SPRED2: variants seen among roughly 807,000 people sequenced by gnomAD.
SPRED2 encodes sprouty related EVH1 domain containing 2.
In SPRED2, 47 loss-of-function variants were observed where a neutral mutation model predicts 43.0. The observed-to-expected ratio is 1.09, with a 90% CI of 0.87 to 1.40. SPRED2 has a LOEUF of 1.40. SPRED2 is among the 40% of genes most tolerant of loss of function. The pLI is 0.00. For synonymous variants in SPRED2, 225 were observed against 225.7 expected, an observed-to-expected ratio of 1.00 and a Z score of 0.03; for missense variants, 561 against 586.4, an observed-to-expected ratio of 0.96 and a Z score of 0.45.
Position 65,332,041 on chromosome 2 carries a change from C to T in SPRED2, c.384G>A (p.Thr128=), listed in dbSNP as rs111994933. The T allele has an allele frequency of 8.1e-6, 13 of 1,606,104 alleles. No homozygotes were observed. The East Asian group carries it at 1.8e-4, about 22-fold the overall frequency. Residue 128 remains threonine (T), a synonymous_variant, in exon 4 of 6, where the codon ACG becomes ACA. Transcript: ENST00000356388. The stretch of plus-strand genomic sequence containing the variant: ...CTTCATTATGGATGGTGGAAGATGA[C>T]GTTGTTGAACCTAAAAAGACAAAAA... ...AIEDLIEGST[T]SSSTIHNEAE... is the part of the protein sequence containing the mutation.
At chr2:65,407,556 A>G (rs986676783) in intron 1 of SPRED2, among the ~76,000 whole-genome samples, 9 of 152,152 alleles carry the variant, frequency 5.9e-5, no homozygotes, top group African/African-American at 2.2e-4. Flanking sequence ...GCCAACTTAA[A>G]GCTTATCTCA....
At position 65,431,965 on chromosome 2, in the gene SPRED2, T is replaced by C. The variant is rs1481524751; in HGVS notation, c.23A>G (p.Asp8Gly). The C allele has an allele frequency of 6.2e-7, 1 of 1,613,332 alleles. No homozygotes were observed. Among genetic ancestry groups the C allele is most frequent in the African/African-American group, 1.3e-5 (1 of 74,868 alleles). MTEETHP[D>G]DDSYIVRVKA... is the part of the protein sequence containing the mutation. ...CCCACCCCGCGACCAAACTTACTCG[T>C]CTGGGTGTGTTTCTTCGGTCATTTT... Residue 8 changes from aspartate (D) to glycine (G), a missense_variant, in exon 1 of 6, where the codon GAC becomes GGC. By Grantham distance (94) the Asp-to-Gly change is moderately conservative. Around this residue, in one of 6 missense-constraint regions of SPRED2, gnomAD observed 305 missense variants for 282.4 expected, o/e 1.08. Coordinates refer to ENST00000356388, the MANE Select transcript of SPRED2 (RefSeq NM_181784.3).
chr2:65,386,064 C>T (rs778265347), intron 1 of SPRED2, among the ~76,000 whole-genome samples: 2 of 152,098 alleles, frequency 1.3e-5, no homozygotes, highest in Admixed American at 6.5e-5. Context: ...GCGGGAGGAT[C>T]GCCTGAGGTC....
chr2:65,318,150 T>C (rs1673300037), intron 4 of SPRED2, among the ~76,000 whole-genome samples: 1 of 152,200 alleles, frequency 6.6e-6, no homozygotes, highest in East Asian at 1.9e-4. Flanking sequence ...GGTGTTCCCC[T>C]GCACAAGCTC....
At position 65,318,540 on chromosome 2, in the gene SPRED2, G is replaced by A. The variant is rs571953820; in HGVS notation, c.439-1657C>T. On this transcript the variant is annotated intron_variant, in intron 4 of 5. Coordinates refer to ENST00000356388, the MANE Select transcript of SPRED2 (RefSeq NM_181784.3). ...CCCTCTACCATTCCCCAACTAAACA[G>A]ATGAAAAGAAAAGGCTTTTTCTGAT... Among the ~76,000 whole-genome samples, 29 of 151,760 alleles carry A rather than the reference G, an allele frequency of 1.9e-4. No homozygotes were observed. In the South Asian group the frequency reaches 5.6e-3, roughly 30 times the overall value.
At position 65,431,944 on chromosome 2, in the gene SPRED2, C is replaced by T. The variant is rs1316101184; in HGVS notation, c.26+18G>A. The T allele has an allele frequency of 2.5e-6, 4 of 1,613,836 alleles. No homozygotes were observed. Among genetic ancestry groups the T allele is most frequent in the Non-Finnish European group, 2.5e-6 (3 of 1,179,962 alleles). The stretch of plus-strand genomic sequence containing the variant: ...GCCCCTGAGGGGCACCCTCGTCCCA[C>T]CCCGCGACCAAACTTACTCGTCTGG... On this transcript the variant is annotated intron_variant, in intron 1 of 5. Coordinates refer to ENST00000356388, the MANE Select transcript of SPRED2 (RefSeq NM_181784.3).
Position 65,311,646 on chromosome 2 carries a change from C to T in SPRED2, c.*1855G>A. On this transcript the variant is annotated 3_prime_UTR_variant, in exon 6 of 6. Coordinates refer to ENST00000356388, the MANE Select transcript of SPRED2 (RefSeq NM_181784.3). Reference sequence around the variant, plus strand: ...ATGTTCTCCAGGCATGGATGAGGTTCTCTTTTCTTCCATCAATCCAGATGG... The same window carrying T: ...ATGTTCTCCAGGCATGGATGAGGTTTTCTTTTCTTCCATCAATCCAGATGG... The T allele has an allele frequency of 1.0e-6, 1 of 985,746 alleles. No individual in the cohort carries two copies. The highest frequency in any genetic ancestry group is 1.2e-6 in the Non-Finnish European group (1 of 829,934). The allele number at this position is 985,746 out of a possible 1,614,324, so 61.1% of individuals were successfully genotyped here.
At chr2:65,410,029 G>A (rs1485949405) in intron 1 of SPRED2, among the ~76,000 whole-genome samples, 6 of 140,822 alleles carry the variant, frequency 4.3e-5, no homozygotes, top group Admixed American at 2.9e-4. Flanking sequence ...ACTCTGCCTC[G>A]GAAAAAAAAA....
chr2:65,411,058 G>C (rs35165760), intron 1 of SPRED2, among the ~76,000 whole-genome samples: 1 of 152,092 alleles, frequency 6.6e-6, no homozygotes, highest in Non-Finnish European at 1.5e-5. Context: ...AACTCTAAGG[G>C]TTAGTTCTCT....
At chr2:65,358,811 C>T (rs141531696) in intron 1 of SPRED2, among the ~76,000 whole-genome samples, 32 of 152,352 alleles carry the variant, frequency 2.1e-4, no homozygotes, top group African/African-American at 7.5e-4. Context: ...AATGTTTCAA[C>T]TGCTTACTGA....
chr2:65,349,021 C>T (rs1286257672), intron 1 of SPRED2, among the ~76,000 whole-genome samples: 12 of 151,540 alleles, frequency 7.9e-5, no homozygotes, highest in Non-Finnish European at 1.8e-4. Context: ...GATTAAGAAC[C>T]TTCTGGGCTG....
intron 1 of SPRED2, among the ~76,000 whole-genome samples, chr2:65,417,243 T>C (rs1045489474): frequency 6.6e-6 from 1 of 152,126 alleles, no homozygotes; most frequent in African/African-American, 2.4e-5. Flanking sequence ...AGAACAAGCA[T>C]AGGTAATGTT....
chr2:65,386,521 G>C (rs776549584), intron 1 of SPRED2, among the ~76,000 whole-genome samples: 1 of 152,124 alleles, frequency 6.6e-6, no homozygotes, highest in Non-Finnish European at 1.5e-5. Context: ...TGCATATTGT[G>C]TATCTCCCCC....
intron 1 of SPRED2, among the ~76,000 whole-genome samples, chr2:65,409,924 G>A (rs1218862231): frequency 2.6e-5 from 4 of 151,842 alleles, no homozygotes; most frequent in Non-Finnish European, 4.4e-5. Context: ...CAGCTACTTG[G>A]GAGGCTGAGG....
At chr2:65,308,721 G>A (rs1039449949), downstream of SPRED2, 2 of 330,208 alleles carry the variant, frequency 6.1e-6, no homozygotes, top group African/African-American at 2.2e-5. Context: ...AACTCAGAAA[G>A]GTGAAGTCAC....
chr2:65,311,621 A>T lies in SPRED2; in HGVS notation c.*1880T>A. 12 of 985,786 alleles carry T rather than the reference A, an allele frequency of 1.2e-5. No homozygotes were observed. Among genetic ancestry groups the T allele is most frequent in the Non-Finnish European group, 1.4e-5 (12 of 829,912 alleles). 61.1% of individuals were successfully genotyped at this position (985,786 alleles called of 1,614,324 possible). On this transcript the variant is annotated 3_prime_UTR_variant, in exon 6 of 6. Coordinates refer to ENST00000356388, the MANE Select transcript of SPRED2 (RefSeq NM_181784.3). ...TGGAGGCTGGCTGAAGGTTTTCTAG[A>T]TGTTCTCCAGGCATGGATGAGGTTC...
At chr2:65,348,586 T>A (rs2104280025) in intron 1 of SPRED2, among the ~76,000 whole-genome samples, 1 of 151,386 alleles carries the variant, frequency 6.6e-6, no homozygotes, top group South Asian at 2.1e-4. Context: ...GCGGATAACC[T>A]GAGGTCAGGA....
At chr2:65,366,099 T>G (rs1674963933) in intron 1 of SPRED2, among the ~76,000 whole-genome samples, 1 of 152,140 alleles carries the variant, frequency 6.6e-6, no homozygotes, top group Admixed American at 6.5e-5. Flanking sequence ...CTTTCTTGCA[T>G]TAAGTCACGC....
chr2:65,406,325 C>T (rs1676022922), intron 1 of SPRED2, among the ~76,000 whole-genome samples: 5 of 152,162 alleles, frequency 3.3e-5, no homozygotes, highest in Admixed American at 3.3e-4. Context: ...TCCTCCCACC[C>T]CATTCTTATA....
Sources: allele counts gnomAD v4.1 joint callset (sites outside exome capture counted in the v4.1 genomes callset), GRCh38; gene constraint gnomAD v4.1.1; regional missense constraint gnomAD v4.1.1; transcripts MANE v1.5; gene names NCBI Gene and HGNC (gene_info 2026-07-23, HGNC 2026-07-21).